The following GSE1 variants were observed in gnomAD, a reference collection of about 807,000 sequenced individuals.
GSE1 encodes Gse1 coiled-coil protein, also known as genetic suppressor element 1.
GSE1 carries 32 observed loss-of-function variants against 112.6 expected under a neutral mutation model. That is an observed-to-expected ratio of 0.28 (90% CI 0.21 to 0.38). GSE1 has a LOEUF of 0.38. Among genes scored for constraint, GSE1 ranks in the 10% least tolerant of loss-of-function variants. The probability of loss-of-function intolerance (pLI) is 1.00; values close to 1 mark genes in which losing one functional copy is unlikely to be tolerated. For synonymous variants in GSE1, 1,115 were observed against 735.6 expected (o/e 1.52, Z -8.35); for missense variants, 2,348 against 1,699.2 (o/e 1.38, Z -6.71).
At chr16:85,663,654 G>A in intron 11 of GSE1, 40 bp downstream of exon 11, 1 of 1,575,636 alleles carries the variant, frequency 6.3e-7, no homozygotes, top group Non-Finnish European at 8.6e-7. Context: ...GGCTCACTGG[G>A]GTGGAAGTGG....
intron 2 of GSE1, among the ~76,000 whole-genome samples, chr16:85,436,601 G>A (rs117595681): frequency 0.023 from 3,516 of 152,328 alleles, 68 homozygotes; most frequent in Non-Finnish European, 0.036. Context: ...CGGGGACCTC[G>A]GTAGCCCCAG....
chr16:85,531,550 C>T (rs2044136999), intron 2 of GSE1, among the ~76,000 whole-genome samples: 1 of 152,306 alleles, frequency 6.6e-6, no homozygotes, highest in East Asian at 1.9e-4. Flanking sequence ...ACCCTGGAAC[C>T]CAAGGATGGC....
chr16:85,215,239 T>C (rs2075289178), intron 1 of GSE1, among the ~76,000 whole-genome samples: 1 of 152,222 alleles, frequency 6.6e-6, no homozygotes, highest in African/African-American at 2.4e-5. Context: ...ACTTGTGTCA[T>C]CTTTAAAATG....
At chr16:85,219,648 A>G (rs773413316) in intron 1 of GSE1, among the ~76,000 whole-genome samples, 1 of 152,104 alleles carries the variant, frequency 6.6e-6, no homozygotes, top group Non-Finnish European at 1.5e-5. Flanking sequence ...TGGCACTTTG[A>G]GTGTTCATAT....
At chr16:85,343,472 G>A (rs764393725) in intron 1 of GSE1, among the ~76,000 whole-genome samples, 2 of 152,130 alleles carry the variant, frequency 1.3e-5, no homozygotes, top group Non-Finnish European at 2.9e-5. Flanking sequence ...AAGTTTGCCC[G>A]GCCCAGTGGC....
intron 2 of GSE1, among the ~76,000 whole-genome samples, chr16:85,399,175 T>C (rs760530259): frequency 6.6e-6 from 1 of 152,104 alleles, no homozygotes; most frequent in Non-Finnish European, 1.5e-5. Context: ...TATGACCGTA[T>C]AGATGTGCAC....
rs11863624 is a variant in GSE1 at position 85,244,698 on chromosome 16, A to G, written c.2283+72891A>G. 2.5e-3 allele frequency among the ~76,000 whole-genome samples: 384 copies of G among 150,840 alleles called. 4 individuals are homozygous for G. The highest frequency in any genetic ancestry group is 8.8e-3 in the African/African-American group (361 of 41,002). ...GACCCCAATCTCTACCAAAAATACA[A>G]AATTATCTGGGGCTGGGTGCAATTG... is the stretch of plus-strand genomic sequence containing the variant. On this transcript the variant is annotated intron_variant, in intron 1 of 2. Coordinates refer to the GSE1 transcript ENST00000637419.
chr16:85,441,097 G>T (rs987914220), intron 2 of GSE1, among the ~76,000 whole-genome samples: 8 of 152,188 alleles, frequency 5.3e-5, no homozygotes, highest in Non-Finnish European at 1.2e-4. Context: ...GGACTTCAGG[G>T]AATTCCCTGG....
intron 2 of GSE1, among the ~76,000 whole-genome samples, chr16:85,441,099 ATTCC>A (rs2049365353): frequency 6.6e-6 from 1 of 151,996 alleles, no homozygotes; most frequent in Non-Finnish European, 1.5e-5. Context: ...ACTTCAGGGA[ATTCC>A]CTGGGGGCTG....
At chr16:85,660,305 C>G (rs971733860) in intron 8 of GSE1, among the ~76,000 whole-genome samples, 1 of 152,194 alleles carries the variant, frequency 6.6e-6, no homozygotes, top group African/African-American at 2.4e-5. Flanking sequence ...GGCTGGGAGC[C>G]TCCCTATCCT....
chr16:85,185,279 AG>A (rs2074676656), intron 1 of GSE1: 1 of 152,326 alleles, frequency 6.6e-6, no homozygotes, highest in Admixed American at 6.5e-5. Context: ...TGTCAGCTCC[AG>A]GGGCAGAGTG....
intron 1 of GSE1, among the ~76,000 whole-genome samples, chr16:85,291,836 G>A (rs2045223401): frequency 6.6e-6 from 1 of 152,208 alleles, no homozygotes; most frequent in South Asian, 2.1e-4. Context: ...CCCCCCGCCA[G>A]CACAAAACAC....
At chr16:85,522,384 C>G (rs1270371666) in intron 2 of GSE1, among the ~76,000 whole-genome samples, 1 of 150,530 alleles carries the variant, frequency 6.6e-6, no homozygotes, top group East Asian at 2.0e-4. Context: ...AGCTCTCCCT[C>G]CCCTCCCCAG....
chr16:85,634,768 C>T (rs2049845654), intron 2 of GSE1, among the ~76,000 whole-genome samples: 1 of 152,194 alleles, frequency 6.6e-6, no homozygotes, highest in East Asian at 1.9e-4. Flanking sequence ...CCTGTCTGTG[C>T]AGTGAGGCTC....
Position 85,455,519 on chromosome 16 carries a change from G to A in GSE1, c.2464+97876G>A, listed in dbSNP as rs143037173. On this transcript the variant is annotated intron_variant, in intron 2 of 2. Coordinates refer to the GSE1 transcript ENST00000637419. The stretch of plus-strand genomic sequence containing the variant: ...GTCCCCTCCTCACACCCCATGCTCA[G>A]GCCGGTGTGGGTTTATAGCGGCTAC... Among the ~76,000 whole-genome samples the A allele has an allele frequency of 6.1e-3, 925 of 152,370 alleles. 9 individuals are homozygous for A. The highest frequency in any genetic ancestry group is 0.021 in the African/African-American group (881 of 41,582).
chr16:85,330,867 C>CT (rs2046325250), intron 1 of GSE1, among the ~76,000 whole-genome samples: 1 of 152,134 alleles, frequency 6.6e-6, no homozygotes, highest in Admixed American at 6.5e-5. Flanking sequence ...CTTGGGAAGT[C>CT]TGAGTGTTTC....
chr16:85,512,755 G>A (rs1353114897), intron 2 of GSE1, among the ~76,000 whole-genome samples: 1 of 152,120 alleles, frequency 6.6e-6, no homozygotes, highest in Non-Finnish European at 1.5e-5. Context: ...AGCGGTGGGG[G>A]CTGATTAGCC....
intron 1 of GSE1, among the ~76,000 whole-genome samples, chr16:85,615,560 A>G (rs898811389): frequency 2.8e-4 from 42 of 152,110 alleles, no homozygotes; most frequent in Non-Finnish European, 2.9e-4. Flanking sequence ...AGCTGGTGAG[A>G]GCCCGCCAGG....
chr16:85,322,730 G>A (rs1168244042), intron 1 of GSE1, among the ~76,000 whole-genome samples: 1 of 150,886 alleles, frequency 6.6e-6, no homozygotes. Flanking sequence ...ATTCTCCTGC[G>A]TCAGCCTCCT....
Sources: allele counts gnomAD v4.1 joint callset (sites outside exome capture counted in the v4.1 genomes callset), GRCh38; gene constraint gnomAD v4.1.1; transcripts MANE v1.5; gene names NCBI Gene and HGNC (gene_info 2026-07-23, HGNC 2026-07-21).